Variants in LAMB4 observed in about 807,000 individuals in gnomAD.
The protein encoded by LAMB4 is laminin subunit beta-4.
Under a neutral mutation model 199.2 loss-of-function variants are expected in LAMB4, and 196 were observed. The ratio of observed to expected loss-of-function variants is 0.98; its 90% CI spans 0.88 to 1.11. LAMB4 has a LOEUF of 1.11. Among genes scored for constraint, LAMB4 ranks in the 50% least tolerant of loss-of-function variants. The probability of loss-of-function intolerance (pLI) is 0.00; values close to 1 mark genes in which losing one functional copy is unlikely to be tolerated. For synonymous variants in LAMB4, 744 were observed against 770.6 expected, an observed-to-expected ratio of 0.97 and a Z score of 0.57; for missense variants, 2,080 against 2,171.2, an observed-to-expected ratio of 0.96 and a Z score of 0.83.
chr7:108,025,432 C>CTT (rs767315122), intron 33 of LAMB4, among the ~76,000 whole-genome samples: 2 of 109,624 alleles, frequency 1.8e-5, no homozygotes, highest in Non-Finnish European at 3.3e-5. Context: ...TTCTTTCTTT[C>CTT]TTTTTTTTTT....
At chr7:108,035,396 G>A (rs1271470176) in intron 30 of LAMB4, among the ~76,000 whole-genome samples, 2 of 151,968 alleles carry the variant, frequency 1.3e-5, no homozygotes, top group African/African-American at 2.4e-5. Flanking sequence ...CAAAAAATTA[G>A]TTGGGTGTAG....
At chr7:108,069,520 CT>C (rs2036458085) in intron 18 of LAMB4, among the ~76,000 whole-genome samples, 187 bp downstream of exon 18, 1 of 152,228 alleles carries the variant, frequency 6.6e-6, no homozygotes, top group South Asian at 2.1e-4. Context: ...CAAAGTTCCT[CT>C]TTTATACACT....
At chr7:108,067,244 T>C (rs1274848050) in intron 19 of LAMB4, among the ~76,000 whole-genome samples, 1 of 152,202 alleles carries the variant, frequency 6.6e-6, no homozygotes, top group African/African-American at 2.4e-5. Flanking sequence ...ATGGATCCAA[T>C]GATGGGCTGG....
intron 17 of LAMB4, among the ~76,000 whole-genome samples, chr7:108,076,146 G>A (rs2036693620): frequency 6.6e-6 from 1 of 151,914 alleles, no homozygotes; most frequent in African/African-American, 2.4e-5. Context: ...ATATACATAT[G>A]TATCAAACAT....
intron 26 of LAMB4, among the ~76,000 whole-genome samples, chr7:108,050,524 T>C (rs1390873246): frequency 6.6e-6 from 1 of 152,146 alleles, no homozygotes. Context: ...TAATAAGGTA[T>C]GTATGGTATA....
intron 33 of LAMB4, among the ~76,000 whole-genome samples, chr7:108,028,838 G>A (rs1338169422): frequency 1.3e-5 from 2 of 152,178 alleles, no homozygotes; most frequent in African/African-American, 4.8e-5. Flanking sequence ...ATGCAAGGCA[G>A]ATGCTCATTA....
At chr7:108,049,767 G>C (rs998518865) in intron 26 of LAMB4, among the ~76,000 whole-genome samples, 1 of 152,206 alleles carries the variant, frequency 6.6e-6, no homozygotes, top group Non-Finnish European at 1.5e-5. Context: ...TGTGGTGTGA[G>C]TCCTGGCTTC....
intron 14 of LAMB4, among the ~76,000 whole-genome samples, chr7:108,080,080 C>G (rs777331687): frequency 2.6e-5 from 4 of 152,162 alleles, no homozygotes; most frequent in Admixed American, 6.5e-5. Context: ...TGAGCAAATT[C>G]CACATTGATA....
rs1465591147 is a variant in LAMB4 at position 108,116,159 on chromosome 7, AC to A, written c.36del (p.Trp13GlyfsTer39). 5 of 1,613,128 alleles carry A rather than the reference AC, an allele frequency of 3.1e-6. No individual in the cohort carries two copies. Among genetic ancestry groups the A allele is most frequent in the Non-Finnish European group, 2.5e-6 (3 of 1,179,326 alleles). On this transcript the variant is annotated frameshift_variant and splice_region_variant, in exon 3 of 34. Coordinates refer to ENST00000388781, the MANE Select transcript of LAMB4 (RefSeq NM_007356.3). LOFTEE classifies it high-confidence loss of function. ...TCTTGAGCTTTTGAGTAACTGAGCC[AC>A]CCTTGAACACAACAGAAATAGCTTA... is the stretch of plus-strand genomic sequence containing the variant. Reference protein sequence around the residue: ...QFQLTLFLHLGWLSYSKAQDD... With the variant: ...QFQLTLFLHLXWLSYSKAQDD...
intron 29 of LAMB4, among the ~76,000 whole-genome samples, chr7:108,040,199 AC>A (rs1441647081): frequency 2.2e-4 from 34 of 152,302 alleles, no homozygotes; most frequent in Non-Finnish European, 1.6e-4. Context: ...AATACAGCTA[AC>A]CAGGGAGGTG....
intron 33 of LAMB4, among the ~76,000 whole-genome samples, chr7:108,028,738 A>G (rs1158002660): frequency 6.6e-6 from 1 of 152,102 alleles, no homozygotes; most frequent in East Asian, 1.9e-4. Context: ...TGGCCTCCCA[A>G]AATGCTGGGA....
chr7:108,114,424 G>A (rs556608337), intron 3 of LAMB4, among the ~76,000 whole-genome samples: 1 of 149,662 alleles, frequency 6.7e-6, no homozygotes, highest in East Asian at 1.9e-4. Context: ...GGGTGACAGA[G>A]CGAGACCCTA....
At chr7:108,062,584 T>C (rs2036200144) in intron 23 of LAMB4, 190 bp downstream of exon 23, 1 of 383,602 alleles carries the variant, frequency 2.6e-6, no homozygotes. Flanking sequence ...AGCTGAACTT[T>C]GAGATGCTCA....
rs570299816 is a variant in LAMB4, at chr7:108,076,844, C to T, written c.2124+100G>A. ...GGTGGCTTTTATAATTGAGCAAATA[C>T]GTTTACATTTTTAAAGAAATATTTC... On this transcript the variant is annotated intron_variant, in intron 17 of 33. Transcript: ENST00000388781. The T allele has an allele frequency of 6.4e-5, 86 of 1,342,856 alleles. No homozygotes were observed. In the Middle Eastern group the frequency reaches 9.4e-4, roughly 15 times the overall value. The allele number at this position is 1,342,856 out of a possible 1,614,324, so 83.2% of individuals were successfully genotyped here.
intron 14 of LAMB4, 86 bp from the exon 15 acceptor site, chr7:108,079,872 C>T: frequency 6.6e-6 from 6 of 909,924 alleles, no homozygotes; most frequent in Admixed American, 3.0e-5. Flanking sequence ...CTGCACCACC[C>T]CCTGTATTTC....
At chr7:108,091,522 C>T (rs569720872) in intron 14 of LAMB4, 104 bp downstream of exon 14, 2 of 1,306,048 alleles carry the variant, frequency 1.5e-6, no homozygotes, top group Admixed American at 2.3e-5. Flanking sequence ...TGGGCAAAAG[C>T]ATTCTTTTCT....
Position 108,063,655 on chromosome 7 carries a change from G to A in LAMB4, c.3061+106C>T, listed in dbSNP as rs2036239763. 9 of 992,202 alleles carry A rather than the reference G, an allele frequency of 9.1e-6. No homozygotes were observed. In the East Asian group the frequency reaches 2.2e-4, roughly 24 times the overall value. The allele number at this position is 992,202 out of a possible 1,614,324, so 61.5% of individuals were successfully genotyped here. A position where few individuals can be genotyped will look rare whatever the true frequency, so the allele number is the denominator to read the frequency against. ...CTGTCACCTAGTGGGTGCTGCTTTT[G>A]CCTGCTGGGACTGGCCTAACTGAAA... On this transcript the variant is annotated intron_variant, in intron 22 of 33. Coordinates refer to ENST00000388781, the MANE Select transcript of LAMB4 (RefSeq NM_007356.3).
intron 2 of LAMB4, among the ~76,000 whole-genome samples, 175 bp downstream of exon 2, chr7:108,122,956 A>G (rs570781131): frequency 6.6e-6 from 1 of 152,352 alleles, no homozygotes; most frequent in Non-Finnish European, 1.5e-5. Flanking sequence ...TGTGGATACT[A>G]AACATGTTGG....
At chr7:108,120,622 G>A (rs1489936699) in intron 2 of LAMB4, among the ~76,000 whole-genome samples, 1 of 152,162 alleles carries the variant, frequency 6.6e-6, no homozygotes, top group African/African-American at 2.4e-5. Context: ...TTCATATTTT[G>A]TTTGTTTGCT....
Sources: gnomAD v4.1 joint callset for allele counts (sites outside exome capture counted in the v4.1 genomes callset) on GRCh38, gnomAD v4.1.1 for gene constraint, MANE v1.5 for transcripts, NCBI Gene and HGNC (gene_info 2026-07-23, HGNC 2026-07-21) for gene names.